KCNH8: variants seen among roughly 807,000 people sequenced by gnomAD.
KCNH8 encodes voltage-gated delayed rectifier potassium channel KCNH8.
A neutral mutation model predicts 103.6 loss-of-function variants in KCNH8; 70 were observed. The observed-to-expected ratio is 0.68, with a 90% confidence interval of 0.56 to 0.82. KCNH8 has a LOEUF of 0.82. KCNH8 is among the 40% of genes least tolerant of loss of function. The probability of loss-of-function intolerance (pLI) is 0.00; values close to 1 mark genes in which losing one functional copy is unlikely to be tolerated. For synonymous variants in KCNH8, 498 were observed against 489.4 expected, an observed-to-expected ratio of 1.02 and a Z score of -0.23; for missense variants, 1,217 against 1,329.9, an observed-to-expected ratio of 0.92 and a Z score of 1.32.
chr3:19,199,408 C>T (rs913779829), intron 1 of KCNH8, among the ~76,000 whole-genome samples: 4 of 151,894 alleles, frequency 2.6e-5, no homozygotes, highest in Non-Finnish European at 5.9e-5. Context: ...AACAAAAGAA[C>T]ACTACCCTCA....
At chr3:19,317,513 T>G (rs1229990905) in intron 3 of KCNH8, among the ~76,000 whole-genome samples, 1 of 151,910 alleles carries the variant, frequency 6.6e-6, no homozygotes, top group Non-Finnish European at 1.5e-5. Context: ...GACATGCTAT[T>G]TAAACCTACT....
intron 11 of KCNH8, among the ~76,000 whole-genome samples, chr3:19,470,812 C>A (rs1488576992): frequency 1.3e-5 from 2 of 152,136 alleles, no homozygotes; most frequent in African/African-American, 2.4e-5. Flanking sequence ...AATCATATCT[C>A]AGCAACATTT....
intron 11 of KCNH8, among the ~76,000 whole-genome samples, chr3:19,490,270 C>A (rs909557378): frequency 2.0e-5 from 3 of 152,178 alleles, no homozygotes; most frequent in Admixed American, 6.5e-5. Context: ...CGCTCAGACA[C>A]CGAATTGTAG....
intron 1 of KCNH8, among the ~76,000 whole-genome samples, chr3:19,174,703 G>T (rs2063380680): frequency 6.6e-6 from 1 of 152,122 alleles, no homozygotes; most frequent in African/African-American, 2.4e-5. Flanking sequence ...TAAAAGTAAA[G>T]AATAAATAAT....
chr3:19,400,905 T>C (rs954503550), intron 7 of KCNH8, among the ~76,000 whole-genome samples: 2 of 151,946 alleles, frequency 1.3e-5, no homozygotes, highest in African/African-American at 2.4e-5. Flanking sequence ...CTAACCCTAC[T>C]TTTTCAGGGT....
At chr3:19,316,958 CAG>C (rs1247807546) in intron 3 of KCNH8, among the ~76,000 whole-genome samples, 12 of 152,010 alleles carry the variant, frequency 7.9e-5, no homozygotes, top group Admixed American at 4.6e-4. Flanking sequence ...ATCTTACAGA[CAG>C]AGTCAGCATG....
At chr3:19,532,836 G>T (rs1164601493) in intron 15 of KCNH8, among the ~76,000 whole-genome samples, 1 of 152,192 alleles carries the variant, frequency 6.6e-6, no homozygotes, top group African/African-American at 2.4e-5. Flanking sequence ...AGATCAGGAT[G>T]TATGTTCATT....
At chr3:19,428,915 G>C (rs752527714) in intron 7 of KCNH8, among the ~76,000 whole-genome samples, 1 of 152,084 alleles carries the variant, frequency 6.6e-6, no homozygotes, top group Non-Finnish European at 1.5e-5. Context: ...TTGTTCTCCT[G>C]TGTGTTGTCT....
chr3:19,372,425 G>A (rs1023848377), intron 5 of KCNH8, among the ~76,000 whole-genome samples: 1 of 149,592 alleles, frequency 6.7e-6, no homozygotes, highest in Non-Finnish European at 1.5e-5. Flanking sequence ...TCTGTTGTTG[G>A]TGTATAAGAA....
chr3:19,486,267 T>G (rs2068205869), intron 11 of KCNH8, among the ~76,000 whole-genome samples: 1 of 152,126 alleles, frequency 6.6e-6, no homozygotes, highest in African/African-American at 2.4e-5. Context: ...GGGAACAGGG[T>G]GGTGGGATTT....
At chr3:19,295,330 G>T (rs1575503876) in intron 3 of KCNH8, among the ~76,000 whole-genome samples, 1 of 152,066 alleles carries the variant, frequency 6.6e-6, no homozygotes, top group South Asian at 2.1e-4. Flanking sequence ...GCTGCAGTGA[G>T]CTGATAGCAT....
intron 2 of KCNH8, among the ~76,000 whole-genome samples, chr3:19,261,506 G>A (rs567941436): frequency 2.0e-5 from 3 of 151,634 alleles, no homozygotes; most frequent in African/African-American, 7.3e-5. Flanking sequence ...CCTCATCTTC[G>A]ATGTGTGGTT....
chr3:19,295,005 A>G (rs1490518409), intron 3 of KCNH8, among the ~76,000 whole-genome samples: 1 of 152,196 alleles, frequency 6.6e-6, no homozygotes, highest in Non-Finnish European at 1.5e-5. Context: ...TTAAGATTAA[A>G]ACATCATTTT....
chr3:19,436,744 G>T (rs1449094424), intron 7 of KCNH8, among the ~76,000 whole-genome samples: 2 of 152,162 alleles, frequency 1.3e-5, no homozygotes, highest in Admixed American at 6.5e-5. Context: ...ATGTGTAAAT[G>T]AACAGACATT....
intron 7 of KCNH8, among the ~76,000 whole-genome samples, chr3:19,408,533 T>C (rs2066729033): frequency 6.6e-6 from 1 of 151,716 alleles, no homozygotes. Context: ...AACTCAGAAA[T>C]AACAGATAAA....
At chr3:19,189,132 G>A (rs2063528414) in intron 1 of KCNH8, among the ~76,000 whole-genome samples, 1 of 152,018 alleles carries the variant, frequency 6.6e-6, no homozygotes, top group African/African-American at 2.4e-5. Flanking sequence ...AAGGTGTCTG[G>A]TTGAAGAAAC....
chr3:19,375,027 C>T (rs1241814771), intron 5 of KCNH8, among the ~76,000 whole-genome samples: 1 of 151,730 alleles, frequency 6.6e-6, no homozygotes, highest in East Asian at 1.9e-4. Flanking sequence ...TTCTCTCTGG[C>T]TGCCCTTAAC....
At chr3:19,249,001 T>G (rs894604304) in intron 1 of KCNH8, among the ~76,000 whole-genome samples, 1 of 152,132 alleles carries the variant, frequency 6.6e-6, no homozygotes. Flanking sequence ...ATAAGTACAT[T>G]TATATCTTAC....
At chr3:19,385,743 C>G (rs936172744) in intron 5 of KCNH8, among the ~76,000 whole-genome samples, 4 of 152,092 alleles carry the variant, frequency 2.6e-5, no homozygotes. Context: ...CCTTCTAGCT[C>G]AAATTTGCTG....
Sources: allele counts gnomAD v4.1 joint callset (sites outside exome capture counted in the v4.1 genomes callset), GRCh38; gene constraint gnomAD v4.1.1; transcripts MANE v1.5; gene names NCBI Gene and HGNC (gene_info 2026-07-23, HGNC 2026-07-21).